Variants in SHROOM3 observed in about 807,000 individuals in gnomAD.
SHROOM3 encodes the protein protein Shroom3.
SHROOM3 carries 47 observed loss-of-function variants against 138.6 expected under a neutral mutation model. That is an observed-to-expected ratio of 0.34 (90% CI 0.27 to 0.43). The LOEUF is 0.43. Among genes scored for constraint, SHROOM3 ranks in the 20% least tolerant of loss-of-function variants. The pLI is 1.00. For synonymous variants in SHROOM3, 1,062 were observed against 1,063.3 expected, an observed-to-expected ratio of 1.00 and a Z score of 0.02; for missense variants, 2,491 against 2,596.5, an observed-to-expected ratio of 0.96 and a Z score of 0.88.
At chr4:76,579,329 G>T (rs1256402116) in intron 2 of SHROOM3, among the ~76,000 whole-genome samples, 1 of 152,080 alleles carries the variant, frequency 6.6e-6, no homozygotes, top group Admixed American at 6.6e-5. Context: ...TTAGCTGGGC[G>T]TGGTGGCAGG....
intron 2 of SHROOM3, among the ~76,000 whole-genome samples, chr4:76,629,182 C>T (rs1283607256): frequency 6.6e-6 from 1 of 152,120 alleles, no homozygotes; most frequent in East Asian, 1.9e-4. Flanking sequence ...GGGTAAGCCT[C>T]AATGCCAAAG....
At chr4:76,612,728 C>T (rs1264332081) in intron 2 of SHROOM3, among the ~76,000 whole-genome samples, 9 of 152,088 alleles carry the variant, frequency 5.9e-5, no homozygotes, top group East Asian at 3.9e-4. Context: ...CCATTCAGCC[C>T]GGTAGTTTGA....
intron 1 of SHROOM3, among the ~76,000 whole-genome samples, chr4:76,507,422 G>T (rs1214313150): frequency 6.6e-6 from 1 of 152,064 alleles, no homozygotes; most frequent in Non-Finnish European, 1.5e-5. Flanking sequence ...ATGTCTTTTT[G>T]ATCATAGCTG....
chr4:76,561,731 C>T (rs868144666), intron 2 of SHROOM3, among the ~76,000 whole-genome samples: 10 of 151,086 alleles, frequency 6.6e-5, no homozygotes, highest in South Asian at 2.1e-4. Flanking sequence ...AAGACAAGGC[C>T]GGGCATGGTG....
intron 2 of SHROOM3, among the ~76,000 whole-genome samples, chr4:76,601,389 G>A (rs931489432): frequency 1.3e-5 from 2 of 152,170 alleles, no homozygotes; most frequent in African/African-American, 4.8e-5. Context: ...TAATGCCAAG[G>A]CTGAGAAACA....
chr4:76,729,995 A>T (rs1720827243), intron 3 of SHROOM3, among the ~76,000 whole-genome samples: 1 of 152,232 alleles, frequency 6.6e-6, no homozygotes, highest in Admixed American at 6.5e-5. Flanking sequence ...AAGAATTTTC[A>T]GCATGAAATG....
chr4:76,771,983 T>TTA (rs1157299550), intron 10 of SHROOM3, among the ~76,000 whole-genome samples: 3 of 152,162 alleles, frequency 2.0e-5, no homozygotes, highest in African/African-American at 7.2e-5. Flanking sequence ...CACAATTATT[T>TTA]TATATATATG....
At position 76,555,674 on chromosome 4, in the gene SHROOM3, C is replaced by G. The variant is rs372051789; in HGVS notation, c.234C>G (p.His78Gln). The G allele has an allele frequency of 5.0e-6, 8 of 1,613,998 alleles. No homozygotes were observed. The African/African-American group carries it at 9.3e-5, about 19-fold the overall frequency. The change falls in exon 2 of 11, where the codon CAC becomes CAG. Residue 78 changes from histidine to glutamine, a missense_variant. Transcript: ENST00000296043. ...SKLQAGDEVV[H>Q]INEVTLSSSR... The stretch of plus-strand genomic sequence containing the variant: ...TGCAGGCTGGGGATGAGGTTGTGCA[C>G]ATCAATGAGGTGACTCTGAGCAGCT...
intron 2 of SHROOM3, among the ~76,000 whole-genome samples, chr4:76,671,795 A>G (rs1285362453): frequency 6.6e-6 from 1 of 152,224 alleles, no homozygotes; most frequent in Non-Finnish European, 1.5e-5. Context: ...CTCTTATCCT[A>G]CATGCTTGGA....
chr4:76,644,947 A>G (rs1385324025), intron 2 of SHROOM3, among the ~76,000 whole-genome samples: 1 of 152,188 alleles, frequency 6.6e-6, no homozygotes, highest in Non-Finnish European at 1.5e-5. Flanking sequence ...CTTATGTAGC[A>G]CTTATGAGCC....
intron 1 of SHROOM3, among the ~76,000 whole-genome samples, chr4:76,484,681 G>A (rs761528111): frequency 2.0e-5 from 3 of 151,786 alleles, no homozygotes; most frequent in Non-Finnish European, 2.9e-5. Flanking sequence ...TAATACCAGG[G>A]ATTTTACTTA....
chr4:76,737,413 C>T (rs1721105183), intron 4 of SHROOM3, among the ~76,000 whole-genome samples: 3 of 151,956 alleles, frequency 2.0e-5, no homozygotes, highest in South Asian at 4.2e-4. Flanking sequence ...TTTGTGTGGA[C>T]GTGAGTTTTC....
chr4:76,625,294 T>C (rs1477813618), intron 2 of SHROOM3, among the ~76,000 whole-genome samples: 2 of 152,212 alleles, frequency 1.3e-5, no homozygotes, highest in African/African-American at 2.4e-5. Flanking sequence ...TGTTTTCAAA[T>C]TTTTTACCTA....
intron 1 of SHROOM3, among the ~76,000 whole-genome samples, chr4:76,448,259 T>A (rs1484762929): frequency 1.3e-5 from 2 of 152,178 alleles, no homozygotes; most frequent in Non-Finnish European, 2.9e-5. Flanking sequence ...AGTCAACACA[T>A]CATTTATTGA....
intron 2 of SHROOM3, among the ~76,000 whole-genome samples, chr4:76,626,812 A>AT (rs1201680404): frequency 2.0e-5 from 3 of 152,154 alleles, no homozygotes; most frequent in Admixed American, 1.3e-4. Context: ...TCTTTATAGC[A>AT]TATTTCTCTT....
chr4:76,561,239 A>G (rs1049830250), intron 2 of SHROOM3, among the ~76,000 whole-genome samples: 1 of 152,202 alleles, frequency 6.6e-6, no homozygotes, highest in Admixed American at 6.5e-5. Flanking sequence ...TTGGAAGGAA[A>G]CAATTCTTTT....
At chr4:76,482,812 A>G (rs1165123551) in intron 1 of SHROOM3, among the ~76,000 whole-genome samples, 5 of 152,226 alleles carry the variant, frequency 3.3e-5, no homozygotes, top group Non-Finnish European at 7.3e-5. Context: ...ACATAGACCA[A>G]TGGAACAGAA....
intron 1 of SHROOM3, among the ~76,000 whole-genome samples, chr4:76,467,369 G>A (rs964770474): frequency 2.6e-5 from 4 of 152,086 alleles, no homozygotes; most frequent in Admixed American, 2.6e-4. Flanking sequence ...TTTTGTCAGT[G>A]AGTAAACTGA....
chr4:76,576,223 A>G lies in SHROOM3; in HGVS notation c.323+20460A>G, dbSNP rs549162260. ...CTGTGTTTGTTGCAACATTCTTTAC[A>G]ATAGCTAAGATTTGGAAGCAACTTA... On this transcript the variant is annotated intron_variant, in intron 2 of 10. Coordinates refer to ENST00000296043, the MANE Select transcript of SHROOM3 (RefSeq NM_020859.4). Among the ~76,000 whole-genome samples, 97 of 152,376 alleles carry G rather than the reference A, an allele frequency of 6.4e-4. 1 individual carries two copies. The highest frequency in any genetic ancestry group is 2.3e-3 in the African/African-American group (95 of 41,592).
Sources: gnomAD v4.1 joint callset for allele counts (sites outside exome capture counted in the v4.1 genomes callset) on GRCh38, gnomAD v4.1.1 for gene constraint, MANE v1.5 for transcripts, NCBI Gene and HGNC (gene_info 2026-07-23, HGNC 2026-07-21) for gene names.